ERBB4: variants seen among roughly 807,000 people sequenced by gnomAD.
The protein encoded by ERBB4 is erb-b2 receptor tyrosine kinase 4, also known as receptor tyrosine-protein kinase erbB-4.
ERBB4 carries 42 observed loss-of-function variants against 158.0 expected under a neutral mutation model. That is an observed-to-expected ratio of 0.27 (90% CI 0.21 to 0.34). The LOEUF (loss-of-function observed/expected upper bound fraction) is 0.34, where lower values mean the gene tolerates loss of function less well. Ranked by LOEUF, ERBB4 falls within the 10% of genes least tolerant of loss-of-function variation. The pLI, the probability that ERBB4 is intolerant of heterozygous loss-of-function variation, is 1.00. For missense variants in ERBB4, 1,333 were observed against 1,624.1 expected (o/e 0.82, Z 3.08); for synonymous variants, 583 against 558.7 (o/e 1.04, Z -0.61).
intron 1 of ERBB4, among the ~76,000 whole-genome samples, chr2:212,222,818 C>T (rs1433272637): frequency 6.6e-6 from 1 of 151,546 alleles, no homozygotes; most frequent in Non-Finnish European, 1.5e-5. Flanking sequence ...TTACCCCATA[C>T]ATACCAGACT....
chr2:212,061,494 G>GACA (rs542363364), intron 2 of ERBB4, among the ~76,000 whole-genome samples: 3 of 130,304 alleles, frequency 2.3e-5, no homozygotes, highest in Non-Finnish European at 4.8e-5. Flanking sequence ...GCTTCCAGGA[G>GACA]ACAACAATTT....
chr2:212,034,121 C>T (rs937497702), intron 2 of ERBB4, among the ~76,000 whole-genome samples: 1 of 151,740 alleles, frequency 6.6e-6, no homozygotes, highest in African/African-American at 2.4e-5. Flanking sequence ...TGGTTGTATA[C>T]ATAATAAAGA....
intron 3 of ERBB4, among the ~76,000 whole-genome samples, chr2:211,800,694 G>T (rs969265492): frequency 6.7e-6 from 1 of 149,568 alleles, no homozygotes; most frequent in Non-Finnish European, 1.5e-5. Context: ...CTTGGCTCTG[G>T]TAGATGTCTG....
intron 1 of ERBB4, among the ~76,000 whole-genome samples, chr2:212,183,376 C>T (rs1377490612): frequency 6.6e-6 from 1 of 152,016 alleles, no homozygotes; most frequent in Non-Finnish European, 1.5e-5. Context: ...AGACAATTTG[C>T]TATATAAATT....
chr2:211,832,316 A>G (rs946847658), intron 3 of ERBB4, among the ~76,000 whole-genome samples: 1 of 152,116 alleles, frequency 6.6e-6, no homozygotes, highest in African/African-American at 2.4e-5. Context: ...ATAATTTTTT[A>G]TATCTTACAA....
chr2:212,210,472 A>G (rs2082900764), intron 1 of ERBB4, among the ~76,000 whole-genome samples: 1 of 152,088 alleles, frequency 6.6e-6, no homozygotes, highest in South Asian at 2.1e-4. Flanking sequence ...TCTGTCTCCT[A>G]TAAGATTTTC....
At chr2:211,593,012 C>CAAA (rs60165704) in intron 19 of ERBB4, among the ~76,000 whole-genome samples, 96,384 of 140,616 alleles carry the variant, frequency 0.69, 34,747 homozygotes, top group East Asian at 0.86. Flanking sequence ...GACTCCATCT[C>CAAA]AAAAAAAAAA....
chr2:211,927,330 G>A (rs1454582103), intron 3 of ERBB4, among the ~76,000 whole-genome samples: 1 of 152,072 alleles, frequency 6.6e-6, no homozygotes, highest in African/African-American at 2.4e-5. Context: ...AGAAATGACT[G>A]GTTAATGTGA....
chr2:211,932,946 CATAGTA>C (rs1479001564), intron 3 of ERBB4, among the ~76,000 whole-genome samples: 4 of 151,894 alleles, frequency 2.6e-5, no homozygotes, highest in Non-Finnish European at 5.9e-5. Flanking sequence ...AGTCACTGTG[CATAGTA>C]ATAGTCTTAA....
chr2:212,360,890 A>G (rs1390785343), intron 1 of ERBB4, among the ~76,000 whole-genome samples: 1 of 151,724 alleles, frequency 6.6e-6, no homozygotes, highest in Non-Finnish European at 1.5e-5. Context: ...TGTCTCAATC[A>G]GGTATTAATA....
chr2:212,206,743 C>T (rs895663358), intron 1 of ERBB4, among the ~76,000 whole-genome samples: 5 of 151,712 alleles, frequency 3.3e-5, no homozygotes, highest in African/African-American at 7.3e-5. Context: ...CCCGCCACTG[C>T]GCCCAGCTAA....
intron 1 of ERBB4, among the ~76,000 whole-genome samples, chr2:212,377,099 A>G (rs1239464345): frequency 2.0e-5 from 3 of 151,628 alleles, no homozygotes; most frequent in South Asian, 2.1e-4. Flanking sequence ...GCCACTGCTT[A>G]AGGCACCTTG....
chr2:212,077,554 T>A (rs1210929253), intron 2 of ERBB4, among the ~76,000 whole-genome samples: 1 of 151,902 alleles, frequency 6.6e-6, no homozygotes, highest in African/African-American at 2.4e-5. Flanking sequence ...ATACATATTA[T>A]TAGATCCAAT....
chr2:211,648,751 C>A (rs1052085163), intron 16 of ERBB4, among the ~76,000 whole-genome samples: 3 of 151,674 alleles, frequency 2.0e-5, no homozygotes, highest in African/African-American at 7.3e-5. Flanking sequence ...TTTCCCAATC[C>A]CATAAATCCT....
intron 3 of ERBB4, among the ~76,000 whole-genome samples, chr2:211,846,276 T>A (rs917977238): frequency 4.7e-5 from 7 of 150,240 alleles, no homozygotes; most frequent in Non-Finnish European, 1.0e-4. Flanking sequence ...CTCCAGACAC[T>A]TTTTTTCATA....
At chr2:211,995,223 T>C (rs925227997) in intron 2 of ERBB4, among the ~76,000 whole-genome samples, 1 of 152,236 alleles carries the variant, frequency 6.6e-6, no homozygotes, top group Non-Finnish European at 1.5e-5. Flanking sequence ...TGTTTCACTG[T>C]TTAATTTCTC....
chr2:211,730,346 TGACAA>T (rs1338335249), intron 5 of ERBB4, among the ~76,000 whole-genome samples: 2 of 151,958 alleles, frequency 1.3e-5, no homozygotes, highest in African/African-American at 4.8e-5. Flanking sequence ...GACATCACAG[TGACAA>T]GACAAAAGAT....
chr2:211,712,149 A>C lies in ERBB4; in HGVS notation c.1025T>G (p.Leu342Trp). The C allele has an allele frequency of 6.2e-7, 1 of 1,613,388 alleles. No individual in the cohort carries two copies. The highest frequency in any genetic ancestry group is 8.5e-7 in the Non-Finnish European group (1 of 1,179,400). The change falls in exon 9 of 28, where the codon TTG becomes TGG. Residue 342 changes from leucine (L) to tryptophan (W), a missense_variant. Coordinates refer to ENST00000342788, the MANE Select transcript of ERBB4 (RefSeq NM_005235.3). ...KACDGIGTGS[L>W]MSAQTVDSSN... The stretch of plus-strand genomic sequence containing the variant: ...GGAATCCACAGTCTGAGCTGACATC[A>C]ATGATCCTGTGCCAATGCCATCACA...
intron 3 of ERBB4, among the ~76,000 whole-genome samples, chr2:211,944,206 A>ATAGTG (rs1553517918): frequency 9.6e-6 from 1 of 104,060 alleles, no homozygotes; most frequent in Non-Finnish European, 1.8e-5. Flanking sequence ...TATACTATAT[A>ATAGTG]TATATATACA....
Sources: allele counts gnomAD v4.1 joint callset (sites outside exome capture counted in the v4.1 genomes callset), GRCh38; gene constraint gnomAD v4.1.1; transcripts MANE v1.5; gene names NCBI Gene and HGNC (gene_info 2026-07-23, HGNC 2026-07-21).